FHIT: variants seen among roughly 807,000 people sequenced by gnomAD.
FHIT encodes the protein bis(5'-adenosyl)-triphosphatase.
In FHIT, 19 loss-of-function variants were observed where a neutral mutation model predicts 17.9. The observed-to-expected ratio is 1.06, with a 90% CI of 0.74 to 1.56. The LOEUF (loss-of-function observed/expected upper bound fraction) is 1.56. Among genes scored for constraint, FHIT ranks in the 40% most tolerant of loss-of-function variants. The pLI is 0.00. For synonymous variants in FHIT, 81 were observed against 69.7 expected (o/e 1.16, Z -0.81); for missense variants, 248 against 189.2 (o/e 1.31, Z -1.82).
intron 4 of FHIT, among the ~76,000 whole-genome samples, chr3:60,651,206 T>G (rs1282445566): frequency 6.6e-6 from 1 of 152,138 alleles, no homozygotes; most frequent in Non-Finnish European, 1.5e-5. Context: ...TTCTGATTAT[T>G]TTCTTGTCTT....
chr3:61,162,093 A>T (rs1481196287), intron 2 of FHIT, among the ~76,000 whole-genome samples: 1 of 152,034 alleles, frequency 6.6e-6, no homozygotes, highest in African/African-American at 2.4e-5. Context: ...ATCAATTAAA[A>T]CTCATCAGCA....
intron 8 of FHIT, among the ~76,000 whole-genome samples, chr3:59,899,499 G>A (rs73839593): frequency 0.033 from 5,019 of 152,208 alleles, 260 homozygotes; most frequent in African/African-American, 0.11. Flanking sequence ...GTGCCAGTTA[G>A]GTGATATTGA....
intron 4 of FHIT, among the ~76,000 whole-genome samples, chr3:60,724,685 G>A (rs1380005601): frequency 8.2e-6 from 1 of 121,432 alleles, no homozygotes; most frequent in Non-Finnish European, 1.6e-5. Context: ...GAGACAGCCT[G>A]TCACCCAGGC....
chr3:59,898,481 G>T (rs978337881), intron 8 of FHIT, among the ~76,000 whole-genome samples: 2 of 140,932 alleles, frequency 1.4e-5, no homozygotes, highest in Middle Eastern at 3.6e-3. Flanking sequence ...TGTGTATTTG[G>T]TAGACACTGC....
chr3:60,945,086 G>T (rs9990004), intron 3 of FHIT, among the ~76,000 whole-genome samples: 38,096 of 151,872 alleles, frequency 0.25, 4,857 homozygotes, highest in Middle Eastern at 0.31. Context: ...GATGATGAGG[G>T]AGGAGGAAAG....
rs11272366 is a variant in FHIT, at chr3:60,782,237, G to GTATATATA, written c.-18+39674_-18+39681dup. On this transcript the variant is annotated intron_variant, in intron 4 of 9. Coordinates refer to ENST00000492590, the MANE Select transcript of FHIT (RefSeq NM_002012.4). ...TATTTCATTGTGTGTGTGTGTGTGTGTATATATATATATATATCACATTTT... is the reference window on the plus strand; with the variant it reads ...TATTTCATTGTGTGTGTGTGTGTGTGTATATATATATATATATATATATATCACATTTT... Among the ~76,000 whole-genome samples the GTATATATA allele has an allele frequency of 8.4e-4, 80 of 95,588 alleles. 1 individual carries two copies. Among genetic ancestry groups the GTATATATA allele is most frequent in the East Asian group, 3.3e-3 (15 of 4,496 alleles). The allele number at this position is 95,588 out of a possible 152,430, so 62.7% of individuals were successfully genotyped here. A position where few individuals can be genotyped will look rare whatever the true frequency, so the allele number is the denominator to read the frequency against.
chr3:59,861,737 A>G (rs569401939), intron 8 of FHIT, among the ~76,000 whole-genome samples: 1 of 152,318 alleles, frequency 6.6e-6, no homozygotes, highest in South Asian at 2.1e-4. Flanking sequence ...CAAGAAGTCT[A>G]TTTTCATAAA....
At chr3:61,233,312 T>C (rs1015642337) in intron 1 of FHIT, among the ~76,000 whole-genome samples, 1 of 152,144 alleles carries the variant, frequency 6.6e-6, no homozygotes, top group African/African-American at 2.4e-5. Context: ...TTAATCTACA[T>C]GTAAAATAAT....
chr3:60,330,241 A>G (rs1039399216), intron 5 of FHIT, among the ~76,000 whole-genome samples: 1 of 152,178 alleles, frequency 6.6e-6, no homozygotes, highest in Admixed American at 6.5e-5. Context: ...GAGGGTCAAG[A>G]CAGCAATGCT....
intron 3 of FHIT, among the ~76,000 whole-genome samples, chr3:60,833,625 A>T (rs1702412996): frequency 6.6e-6 from 1 of 152,182 alleles, no homozygotes; most frequent in African/African-American, 2.4e-5. Context: ...GTAAGAAAAA[A>T]TACAGAGAAG....
At chr3:60,222,201 T>C (rs80356372) in intron 5 of FHIT, among the ~76,000 whole-genome samples, 309 of 151,920 alleles carry the variant, frequency 2.0e-3, no homozygotes, top group African/African-American at 7.1e-3. Flanking sequence ...TTCTCTCTTA[T>C]TTATTTATTC....
chr3:60,621,946 T>C (rs575132290), intron 4 of FHIT, among the ~76,000 whole-genome samples: 24 of 152,058 alleles, frequency 1.6e-4, no homozygotes, highest in African/African-American at 5.1e-4. Context: ...TCCACACAGC[T>C]AGTATGCCAA....
chr3:59,786,061 G>C (rs1429738970), intron 8 of FHIT, among the ~76,000 whole-genome samples: 1 of 152,176 alleles, frequency 6.6e-6, no homozygotes, highest in Non-Finnish European at 1.5e-5. Context: ...AAGACACCAG[G>C]TAAATATATC....
chr3:60,100,965 C>T (rs997317381), intron 5 of FHIT, among the ~76,000 whole-genome samples: 2 of 152,126 alleles, frequency 1.3e-5, no homozygotes, highest in South Asian at 4.1e-4. Flanking sequence ...AGGCCAGGAA[C>T]ATGTAACAGC....
At chr3:60,192,706 C>T (rs1014836955) in intron 5 of FHIT, among the ~76,000 whole-genome samples, 2 of 152,146 alleles carry the variant, frequency 1.3e-5, no homozygotes, top group African/African-American at 4.8e-5. Flanking sequence ...GGATATGTAT[C>T]TTTATTTCAC....
intron 5 of FHIT, among the ~76,000 whole-genome samples, chr3:60,503,049 G>C (rs2034585607): frequency 1.3e-5 from 2 of 152,288 alleles, no homozygotes; most frequent in South Asian, 2.1e-4. Flanking sequence ...TGCTGTATTG[G>C]TTAAGAACAT....
At chr3:60,837,291 G>A (rs1182472345) in intron 3 of FHIT, among the ~76,000 whole-genome samples, 1 of 152,182 alleles carries the variant, frequency 6.6e-6, no homozygotes. Context: ...CAAGAGAAGA[G>A]AAAAAAATGT....
At chr3:60,672,949 C>T (rs1426777339) in intron 4 of FHIT, among the ~76,000 whole-genome samples, 1 of 143,992 alleles carries the variant, frequency 6.9e-6, no homozygotes, top group Non-Finnish European at 1.5e-5. Context: ...CTTATCTTAT[C>T]AAAATCTACC....
chr3:60,639,098 A>G (rs535433816), intron 4 of FHIT, among the ~76,000 whole-genome samples: 31 of 148,926 alleles, frequency 2.1e-4, no homozygotes, highest in Non-Finnish European at 4.0e-4. Context: ...AAGAAAGCCC[A>G]CTGAGGTGAG....
Sources: allele counts gnomAD v4.1 joint callset (sites outside exome capture counted in the v4.1 genomes callset), GRCh38; gene constraint gnomAD v4.1.1; transcripts MANE v1.5; gene names NCBI Gene and HGNC (gene_info 2026-07-23, HGNC 2026-07-21).